ART1: variants seen among roughly 807,000 people sequenced by gnomAD.
ART1 encodes the protein GPI-linked NAD(P)(+)--arginine ADP-ribosyltransferase 1.
ART1 carries 29 observed loss-of-function variants against 27.0 expected under a neutral mutation model. That is an observed-to-expected ratio of 1.08 (90% CI 0.80 to 1.47). The LOEUF is 1.47. ART1 is among the 40% of genes most tolerant of loss of function. The pLI is 0.00. For synonymous variants in ART1, 201 were observed against 172.2 expected, an observed-to-expected ratio of 1.17 and a Z score of -1.31; for missense variants, 480 against 423.0, an observed-to-expected ratio of 1.13 and a Z score of -1.18.
chr11:3,661,954 C>T (rs1048129656), intron 4 of ART1, among the ~76,000 whole-genome samples: 1 of 152,240 alleles, frequency 6.6e-6, no homozygotes, highest in African/African-American at 2.4e-5. Context: ...CAGCCTGGAT[C>T]TGCCTATCCC....
chr11:3,652,693 A>G lies in ART1; in HGVS notation c.-52-6469A>G, dbSNP rs530236720. Among the ~76,000 whole-genome samples, 8 of 151,882 alleles carry G rather than the reference A, an allele frequency of 5.3e-5. No homozygotes were observed. The South Asian group carries it at 1.0e-3, about 20-fold the overall frequency. ...CATCCCTACTATCTTCTGTCTAGTC[A>G]TACTCCTATTCACCATTCTCAACTA... On this transcript the variant is annotated intron_variant, in intron 1 of 4. Transcript: ENST00000250693.
At chr11:3,649,168 C>A (rs979627147) in intron 1 of ART1, among the ~76,000 whole-genome samples, 1 of 152,094 alleles carries the variant, frequency 6.6e-6, no homozygotes, top group Non-Finnish European at 1.5e-5. Flanking sequence ...CTACGGGCAA[C>A]CTTCCACCCT....
chr11:3,655,928 CTTTT>C (rs761533207), intron 1 of ART1, among the ~76,000 whole-genome samples: 1 of 109,018 alleles, frequency 9.2e-6, no homozygotes, highest in Non-Finnish European at 1.8e-5. Context: ...GAGCTCAAGT[CTTTT>C]TTTTTTTTTT....
intron 1 of ART1, among the ~76,000 whole-genome samples, chr11:3,647,117 A>T (rs751791511): frequency 1.3e-5 from 2 of 152,106 alleles, no homozygotes; most frequent in Non-Finnish European, 2.9e-5. Context: ...TGAGGTCAGG[A>T]ATTTGAGACC....
chr11:3,663,534 A>G (rs993566026), intron 4 of ART1, among the ~76,000 whole-genome samples: 5 of 152,154 alleles, frequency 3.3e-5, no homozygotes, highest in Non-Finnish European at 7.4e-5. Flanking sequence ...TGACCTCTGG[A>G]AGAGAAACTG....
chr11:3,650,527 C>T (rs11605715), intron 1 of ART1, among the ~76,000 whole-genome samples: 102,640 of 151,964 alleles, frequency 0.68, 36,358 homozygotes, highest in Admixed American at 0.83. Context: ...AGGCTACCCA[C>T]TCCACATTAC....
intron 1 of ART1, among the ~76,000 whole-genome samples, chr11:3,646,139 T>C (rs1005371066): frequency 1.3e-5 from 2 of 152,170 alleles, no homozygotes; most frequent in African/African-American, 2.4e-5. Flanking sequence ...TATTTTGAGA[T>C]ATTTCTTCCA....
At chr11:3,662,035 G>T (rs78266222) in intron 4 of ART1, among the ~76,000 whole-genome samples, 4 of 152,200 alleles carry the variant, frequency 2.6e-5, no homozygotes, top group African/African-American at 9.6e-5. Context: ...CAGAAGGGCT[G>T]CTCCCCACAA....
At chr11:3,659,316 T>C (rs2077598843) in intron 2 of ART1, 40 bp downstream of exon 2, 1 of 1,612,798 alleles carries the variant, frequency 6.2e-7, no homozygotes, top group Non-Finnish European at 8.5e-7. Flanking sequence ...AGCAGGGAAC[T>C]GAGCCATCGG....
At chr11:3,647,370 T>C (rs2077477479) in intron 1 of ART1, among the ~76,000 whole-genome samples, 2 of 148,464 alleles carry the variant, frequency 1.3e-5, no homozygotes, top group Admixed American at 1.4e-4. Flanking sequence ...GTGCGGTGGC[T>C]CAGGCCTATA....
intron 1 of ART1, among the ~76,000 whole-genome samples, chr11:3,650,474 C>T (rs1449997994): frequency 1.3e-5 from 2 of 152,194 alleles, no homozygotes; most frequent in Admixed American, 6.5e-5. Context: ...TTGAGTAACT[C>T]TCACAGTGGA....
chr11:3,659,346 G>A, intron 2 of ART1, 70 bp downstream of exon 2: 1 of 1,599,566 alleles, frequency 6.3e-7, no homozygotes, highest in Non-Finnish European at 8.6e-7. Flanking sequence ...AACCCTGGAG[G>A]GAGAAAGAGA....
Position 3,660,199 on chromosome 11 carries a change from C to A in ART1, c.680C>A (p.Ala227Asp). Reference protein sequence around the residue: ...TFFGIWTCLGAPIKGYSFFPG... With the variant: ...TFFGIWTCLGDPIKGYSFFPG... ...TTCGGCATCTGGACCTGCCTTGGGG[C>A]CCCTATCAAGGGCTACTCCTTCTTC... Residue 227 changes from alanine to aspartate, a missense_variant, in exon 3 of 5, where the codon GCC (alanine) becomes GAC (aspartate). By Grantham distance (126) the Ala-to-Asp change is moderately radical (BLOSUM62 -2). Transcript: ENST00000250693. 2 of 1,614,040 alleles carry A rather than the reference C, an allele frequency of 1.2e-6. No homozygotes were observed. Among genetic ancestry groups the A allele is most frequent in the Non-Finnish European group, 1.7e-6 (2 of 1,180,034 alleles).
intron 1 of ART1, among the ~76,000 whole-genome samples, chr11:3,647,900 T>C (rs1348829462): frequency 3.3e-5 from 5 of 149,594 alleles, no homozygotes; most frequent in Admixed American, 3.3e-4. Flanking sequence ...CATGTAAGAA[T>C]GGTGGAAGAA....
At chr11:3,659,059 C>T in intron 1 of ART1, 103 bp from the exon 2 acceptor site, 2 of 692,754 alleles carry the variant, frequency 2.9e-6, no homozygotes, top group Non-Finnish European at 4.9e-6. Flanking sequence ...TCTGAGCCTC[C>T]ATGTCTGTCT....
intron 1 of ART1, among the ~76,000 whole-genome samples, chr11:3,648,018 G>A (rs147751181): frequency 2.6e-3 from 391 of 152,116 alleles, no homozygotes; most frequent in African/African-American, 8.8e-3. Flanking sequence ...CCAGATGGCC[G>A]GTTCCTGCCT....
intron 1 of ART1, among the ~76,000 whole-genome samples, chr11:3,650,475 T>C (rs1027699229): frequency 1.3e-5 from 2 of 152,268 alleles, no homozygotes; most frequent in South Asian, 2.1e-4. Flanking sequence ...TGAGTAACTC[T>C]CACAGTGGAA....
At chr11:3,659,042 T>C in intron 1 of ART1, 120 bp from the exon 2 acceptor site, 1 of 636,764 alleles carries the variant, frequency 1.6e-6, no homozygotes, top group South Asian at 1.9e-5. Flanking sequence ...AGAAGGGTCC[T>C]CTCTCTTCTG....
chr11:3,663,084 ATCTCATCATCTCATC>A (rs1422363440), intron 4 of ART1, among the ~76,000 whole-genome samples: 39 of 77,790 alleles, frequency 5.0e-4, no homozygotes, highest in African/African-American at 2.1e-3. Flanking sequence ...TCATCATCTC[ATCTCATCATCTCATC>A]TCATCTCATC....
Sources: gnomAD v4.1 joint callset for allele counts (sites outside exome capture counted in the v4.1 genomes callset) on GRCh38, gnomAD v4.1.1 for gene constraint, MANE v1.5 for transcripts, NCBI Gene and HGNC (gene_info 2026-07-23, HGNC 2026-07-21) for gene names.